The following ASXL3 variants were observed in gnomAD, a reference collection of about 807,000 sequenced individuals.
ASXL3 encodes the protein ASXL transcriptional regulator 3, also known as putative Polycomb group protein ASXL3.
Under a neutral mutation model 170.6 loss-of-function variants are expected in ASXL3, and 34 were observed. That is an observed-to-expected ratio of 0.20 (90% confidence interval 0.15 to 0.27). ASXL3 has a LOEUF of 0.27. Among genes scored for constraint, ASXL3 ranks in the 10% least tolerant of loss-of-function variants. The pLI is 1.00. For missense variants in ASXL3, 2,592 were observed against 2,695.3 expected, an observed-to-expected ratio of 0.96 and a Z score of 0.85; for synonymous variants, 1,002 against 989.1, an observed-to-expected ratio of 1.01 and a Z score of -0.24.
rs367859881 is a variant in ASXL3 at position 33,701,702 on chromosome 18, G to C, written c.879+18134G>C. Among the ~76,000 whole-genome samples, 3 of 151,644 alleles carry C rather than the reference G, an allele frequency of 2.0e-5. No individual in the cohort carries two copies. In the East Asian group the frequency reaches 5.8e-4, roughly 29 times the overall value. ...CAGCATTTTTACCAGAATGTGTCTG[G>C]GTATGAATCACTTTGCATTTATCCT... On this transcript the variant is annotated intron_variant, in intron 8 of 11. Coordinates refer to ENST00000269197, the MANE Select transcript of ASXL3 (RefSeq NM_030632.3).
chr18:33,713,685 C>T (rs557872408), intron 8 of ASXL3, among the ~76,000 whole-genome samples: 4 of 152,242 alleles, frequency 2.6e-5, no homozygotes, highest in South Asian at 4.1e-4. Flanking sequence ...CATAACGGGG[C>T]GTAGGCCATC....
At chr18:33,694,610 T>A (rs775199574) in intron 8 of ASXL3, among the ~76,000 whole-genome samples, 7 of 152,142 alleles carry the variant, frequency 4.6e-5, no homozygotes, top group Non-Finnish European at 1.0e-4. Flanking sequence ...GCCTGCTTTT[T>A]TTTTTGTCCA....
intron 8 of ASXL3, among the ~76,000 whole-genome samples, chr18:33,709,168 G>A (rs114321190): frequency 1.3e-5 from 2 of 152,190 alleles, no homozygotes; most frequent in African/African-American, 2.4e-5. Flanking sequence ...GTGAAGAAGT[G>A]AAGCAAATAG....
chr18:33,700,145 G>C (rs1392826170), intron 8 of ASXL3, among the ~76,000 whole-genome samples: 1 of 151,940 alleles, frequency 6.6e-6, no homozygotes, highest in East Asian at 1.9e-4. Context: ...GGTTTTGTTT[G>C]GTTTATTTTT....
intron 1 of ASXL3, among the ~76,000 whole-genome samples, chr18:33,580,928 G>C (rs2064986180): frequency 1.3e-5 from 2 of 152,088 alleles, no homozygotes; most frequent in African/African-American, 4.8e-5. Context: ...AAAATTGCAA[G>C]GAATCGTACT....
At chr18:33,630,346 G>A (rs535364766) in intron 2 of ASXL3, among the ~76,000 whole-genome samples, 13 of 150,358 alleles carry the variant, frequency 8.6e-5, no homozygotes, top group Admixed American at 6.6e-4. Flanking sequence ...TATGATGTTT[G>A]AATTTCACAA....
chr18:33,607,050 A>G (rs1218302962), intron 1 of ASXL3, among the ~76,000 whole-genome samples: 1 of 152,018 alleles, frequency 6.6e-6, no homozygotes, highest in South Asian at 2.1e-4. Flanking sequence ...CTTGAAATTA[A>G]TTGGAAAAGG....
Position 33,746,466 on chromosome 18 carries a change from A to G in ASXL3, c.6618A>G (p.Ala2206=), listed in dbSNP as rs909057068. The part of the protein sequence containing the change: ...PVQNFADSSN[A]DELELKCSCR... ...AGAACTTTGCCGACAGCAGCAATGC[A>G]GATGAATTGGAACTGAAATGCTCTT... The change falls in exon 12 of 12, where the codon GCA becomes GCG. Residue 2206 remains alanine, a synonymous_variant. Transcript: ENST00000269197. The G allele has an allele frequency of 3.7e-6, 6 of 1,613,948 alleles. No individual in the cohort carries two copies. Among genetic ancestry groups the G allele is most frequent in the African/African-American group, 2.7e-5 (2 of 74,954 alleles).
chr18:33,729,677 A>G (rs200373951), intron 8 of ASXL3, among the ~76,000 whole-genome samples: 1 of 152,194 alleles, frequency 6.6e-6, no homozygotes, highest in East Asian at 1.9e-4. Flanking sequence ...TGGATCAGCT[A>G]TAGGCTGTGC....
intron 8 of ASXL3, among the ~76,000 whole-genome samples, chr18:33,699,149 TAAGA>T (rs544729373): frequency 6.6e-6 from 1 of 151,416 alleles, no homozygotes; most frequent in Non-Finnish European, 1.5e-5. Flanking sequence ...GGCCAAGAAA[TAAGA>T]AAGAATGACT....
chr18:33,675,813 C>G (rs950374484), intron 7 of ASXL3, among the ~76,000 whole-genome samples: 1 of 152,116 alleles, frequency 6.6e-6, no homozygotes, highest in Admixed American at 6.6e-5. Flanking sequence ...CCCTCAGACC[C>G]TTTCATGCTC....
rs76788405 is a variant in ASXL3, at chr18:33,711,847, T to A, written c.880-20121T>A. 8.3e-3 allele frequency among the ~76,000 whole-genome samples: 1,271 copies of A among 152,280 alleles called. 40 individuals are homozygous for A. The South Asian group carries it at 0.095, about 11-fold the overall frequency. On this transcript the variant is annotated intron_variant, in intron 8 of 11. Coordinates refer to ENST00000269197, the MANE Select transcript of ASXL3 (RefSeq NM_030632.3). ...CATTTTTGGTCTAATCACTTATATA[T>A]CACTCAGCAATAAAAAACTGTGTCA...
chr18:33,589,423 T>G (rs911789943), intron 1 of ASXL3, among the ~76,000 whole-genome samples: 4 of 152,168 alleles, frequency 2.6e-5, no homozygotes, highest in Non-Finnish European at 5.9e-5. Context: ...TTATAATCAC[T>G]TATTTAAAAG....
At chr18:33,673,868 T>G (rs2066386435) in intron 7 of ASXL3, among the ~76,000 whole-genome samples, 2 of 152,136 alleles carry the variant, frequency 1.3e-5, no homozygotes, top group Non-Finnish European at 2.9e-5. Flanking sequence ...GTTAGCAAAT[T>G]AAAAGATAAT....
chr18:33,748,596 C>G lies in ASXL3; in HGVS notation c.*2001C>G, dbSNP rs1176196454. On this transcript the variant is annotated 3_prime_UTR_variant, in exon 12 of 12. Coordinates refer to ENST00000269197, the MANE Select transcript of ASXL3 (RefSeq NM_030632.3). ...AGTTCCAGTGGATCCTTAGTTTTCT[C>G]TTCACTGCCTGCCAGGTTGTGTTGG... 2 of 152,234 alleles carry G rather than the reference C, an allele frequency of 1.3e-5. No homozygotes were observed. The highest frequency in any genetic ancestry group is 2.1e-4 in the South Asian group (1 of 4,830). 9.4% of individuals were successfully genotyped at this position (152,234 alleles called of 1,614,324 possible).
Position 33,749,582 on chromosome 18 carries a change from A to G in ASXL3, c.*2987A>G, listed in dbSNP as rs2067852497. ...TGTATAAAGACATTTAGGTTAGTTAATGGGCATGTTAATAAGAGCATTGTG... is the reference window on the plus strand; with the variant it reads ...TGTATAAAGACATTTAGGTTAGTTAGTGGGCATGTTAATAAGAGCATTGTG... On this transcript the variant is annotated 3_prime_UTR_variant, in exon 12 of 12. Transcript: ENST00000269197. 6.6e-6 allele frequency: 1 copy of G among 152,166 alleles called. No individual in the cohort carries two copies. The highest frequency in any genetic ancestry group is 2.1e-4 in the South Asian group (1 of 4,838). The allele number at this position is 152,166 out of a possible 1,614,324, so 9.4% of individuals were successfully genotyped here.
chr18:33,698,662 G>A (rs1466465130), intron 8 of ASXL3, among the ~76,000 whole-genome samples: 1 of 152,104 alleles, frequency 6.6e-6, no homozygotes, highest in East Asian at 1.9e-4. Context: ...CTGAATAAAA[G>A]AGAATGAGCT....
chr18:33,583,439 T>C (rs1286253163), intron 1 of ASXL3, among the ~76,000 whole-genome samples: 1 of 152,228 alleles, frequency 6.6e-6, no homozygotes, highest in Non-Finnish European at 1.5e-5. Flanking sequence ...CATAGCATCA[T>C]TTCTTTATAT....
chr18:33,689,938 A>G (rs1200251993), intron 8 of ASXL3, among the ~76,000 whole-genome samples: 1 of 152,060 alleles, frequency 6.6e-6, no homozygotes, highest in African/African-American at 2.4e-5. Flanking sequence ...CTAGGCTATT[A>G]TGCTTAAATT....
Sources: allele counts gnomAD v4.1 joint callset (sites outside exome capture counted in the v4.1 genomes callset), GRCh38; gene constraint gnomAD v4.1.1; transcripts MANE v1.5; gene names NCBI Gene and HGNC (gene_info 2026-07-23, HGNC 2026-07-21).